Variants in ANOS1 observed in about 807,000 individuals in gnomAD.
ANOS1 encodes anosmin-1.
A neutral mutation model predicts 59.0 loss-of-function variants in ANOS1; 6 were observed. That is an observed-to-expected ratio of 0.10 (90% confidence interval 0.06 to 0.20). The LOEUF (loss-of-function observed/expected upper bound fraction) is 0.20. Ranked by LOEUF, ANOS1 falls within the 10% of genes least tolerant of loss-of-function variation. The pLI is 1.00. For synonymous variants in ANOS1, 217 were observed against 223.4 expected (o/e 0.97, Z 0.25); for missense variants, 433 against 542.3 (o/e 0.80, Z 2.00).
At position 8,721,754 on chromosome X, in the gene ANOS1, T is replaced by G. The variant is rs780016757; in HGVS notation, c.207+10076A>C. Among the ~76,000 whole-genome samples, 4 of 112,765 alleles carry G rather than the reference T, an allele frequency of 3.5e-5. No individual in the cohort carries two copies. The South Asian group carries it at 1.5e-3, about 41-fold the overall frequency. On this transcript the variant is annotated intron_variant, in intron 1 of 13. Transcript: ENST00000262648. ...ACATCCCTAAGTGTTGTGGCTTGAA[T>G]GTGGCATCATGTTACAATGGGCATG...
At chrX:8,617,736 G>C (rs1931200317) in intron 3 of ANOS1, among the ~76,000 whole-genome samples, 1 of 110,205 alleles carries the variant, frequency 9.1e-6, no homozygotes, top group Non-Finnish European at 1.9e-5. Context: ...AGCTGAGACC[G>C]AGCCACTGCA....
rs1336402080 is a variant in ANOS1, at chrX:8,529,383, ATT to A, written c.*3610_*3611del. On this transcript the variant is annotated 3_prime_UTR_variant, in exon 14 of 14. Coordinates refer to ENST00000262648, the MANE Select transcript of ANOS1 (RefSeq NM_000216.4). Reference sequence around the variant, plus strand: ...AAGTACATGCAACAGATATTTAGCCATTGTGTTCTGCCTATAATATGAAAGTT... The same window carrying A: ...AAGTACATGCAACAGATATTTAGCCAGTGTTCTGCCTATAATATGAAAGTT... 8.9e-6 allele frequency: 1 copy of A among 112,110 alleles called. No individual in the cohort carries two copies. Among genetic ancestry groups the A allele is most frequent in the Non-Finnish European group, 1.9e-5 (1 of 53,270 alleles). The allele number at this position is 112,110 out of a possible 1,213,427, so 9.2% of individuals were successfully genotyped here.
intron 8 of ANOS1, among the ~76,000 whole-genome samples, chrX:8,560,076 G>C (rs1360765002): frequency 8.9e-6 from 1 of 111,754 alleles, no homozygotes; most frequent in Non-Finnish European, 1.9e-5. Flanking sequence ...TTTTATTTAC[G>C]TCAATACAGT....
chrX:8,681,568 A>G (rs1275279497), intron 2 of ANOS1, among the ~76,000 whole-genome samples: 2 of 111,051 alleles, frequency 1.8e-5, no homozygotes, highest in Non-Finnish European at 3.8e-5. Flanking sequence ...CCCTTTCCAC[A>G]CTTTCCTCAA....
intron 8 of ANOS1, among the ~76,000 whole-genome samples, chrX:8,563,759 G>T (rs1212641419): frequency 1.8e-5 from 2 of 112,049 alleles, no homozygotes; most frequent in African/African-American, 6.5e-5. Flanking sequence ...GAAAATTCAA[G>T]AAACCTGTGG....
intron 9 of ANOS1, among the ~76,000 whole-genome samples, chrX:8,545,332 G>T (rs767734208): frequency 5.5e-4 from 56 of 101,091 alleles, no homozygotes; most frequent in Non-Finnish European, 1.0e-3. Context: ...AGGAAAAGAG[G>T]AGAGGAGAAG....
chrX:8,598,384 A>G (rs926099525), intron 3 of ANOS1, among the ~76,000 whole-genome samples: 1 of 112,356 alleles, frequency 8.9e-6, no homozygotes, highest in African/African-American at 3.2e-5. Context: ...AAAATGGTTC[A>G]GGACAGCACT....
intron 2 of ANOS1, among the ~76,000 whole-genome samples, chrX:8,678,664 C>A (rs1322610310): frequency 1.8e-5 from 2 of 111,671 alleles, no homozygotes; most frequent in Non-Finnish European, 3.8e-5. Context: ...AAAATGACAG[C>A]TACTTCCTTG....
At chrX:8,570,852 C>T in intron 6 of ANOS1, 148 bp from the exon 7 acceptor site, 2 of 545,522 alleles carry the variant, frequency 3.7e-6, no homozygotes, top group Non-Finnish European at 6.3e-6. Flanking sequence ...TGGCTCATGT[C>T]TGCAATCCCA....
At position 8,679,219 on chromosome X, in the gene ANOS1, C is replaced by T. The variant is rs184585407; in HGVS notation, c.255+20479G>A. Among the ~76,000 whole-genome samples the T allele has an allele frequency of 4.5e-5, 5 of 111,297 alleles. No individual in the cohort carries two copies. In the East Asian group the frequency reaches 1.4e-3, roughly 31 times the overall value. ...ACCATCCTGCCAACCTTCAGTTCAA[C>T]AACTCAGAGTGAAAATAATAATAAT... On this transcript the variant is annotated intron_variant, in intron 2 of 13. Coordinates refer to ENST00000262648, the MANE Select transcript of ANOS1 (RefSeq NM_000216.4).
intron 3 of ANOS1, among the ~76,000 whole-genome samples, chrX:8,603,700 C>T (rs187457614): frequency 1.8e-5 from 2 of 112,254 alleles, no homozygotes; most frequent in Non-Finnish European, 3.8e-5. Context: ...TACAAGGCTT[C>T]AGCTATGAGG....
chrX:8,675,655 G>GTC (rs1932324106), intron 2 of ANOS1, among the ~76,000 whole-genome samples: 2 of 110,205 alleles, frequency 1.8e-5, no homozygotes, highest in African/African-American at 6.6e-5. Flanking sequence ...GTTAAGAGGG[G>GTC]TCTCTCTCTG....
intron 4 of ANOS1, among the ~76,000 whole-genome samples, chrX:8,593,282 A>G (rs1182033014): frequency 9.0e-6 from 1 of 111,715 alleles, no homozygotes; most frequent in Non-Finnish European, 1.9e-5. Context: ...CCCATTATAG[A>G]TGACAGCAAA....
At chrX:8,714,944 G>A (rs2146907804) in intron 1 of ANOS1, among the ~76,000 whole-genome samples, 1 of 111,939 alleles carries the variant, frequency 8.9e-6, no homozygotes, top group East Asian at 2.8e-4. Flanking sequence ...TCATGATTCT[G>A]GGTTATTTTA....
At chrX:8,545,405 AAGGAAGGC>A (rs919434317) in intron 9 of ANOS1, among the ~76,000 whole-genome samples, 2 of 105,938 alleles carry the variant, frequency 1.9e-5, no homozygotes, top group African/African-American at 6.9e-5. Context: ...GGAAGGAAGG[AAGGAAGGC>A]AGGCAGGCAG....
intron 2 of ANOS1, among the ~76,000 whole-genome samples, chrX:8,677,211 C>T (rs1364836388): frequency 4.5e-5 from 5 of 111,336 alleles, no homozygotes; most frequent in Non-Finnish European, 9.4e-5. Context: ...AACACTACCA[C>T]GCAGCGTGTT....
chrX:8,707,669 G>A (rs1322672218), intron 1 of ANOS1, among the ~76,000 whole-genome samples: 2 of 111,335 alleles, frequency 1.8e-5, no homozygotes, highest in East Asian at 2.8e-4. Flanking sequence ...TATAAGTAAT[G>A]TACAGATGAT....
chrX:8,620,378 CG>C (rs1183198534), intron 3 of ANOS1, among the ~76,000 whole-genome samples: 1 of 111,773 alleles, frequency 8.9e-6, no homozygotes, highest in Non-Finnish European at 1.9e-5. Context: ...GTAAACATAC[CG>C]GGCCGAACAT....
chrX:8,712,126 C>T (rs1932816049), intron 1 of ANOS1, among the ~76,000 whole-genome samples: 1 of 112,260 alleles, frequency 8.9e-6, no homozygotes, highest in Admixed American at 9.5e-5. Context: ...ACCAAGTTAT[C>T]GCAAGACCAT....
Sources: allele counts gnomAD v4.1 joint callset (sites outside exome capture counted in the v4.1 genomes callset), GRCh38; gene constraint gnomAD v4.1.1; transcripts MANE v1.5; gene names NCBI Gene and HGNC (gene_info 2026-07-23, HGNC 2026-07-21).